AKAP13: variants seen among roughly 807,000 people sequenced by gnomAD.
AKAP13 encodes A-kinase anchor protein 13.
AKAP13 carries 80 observed loss-of-function variants against 264.5 expected under a neutral mutation model. The observed-to-expected ratio is 0.30, with a 90% CI of 0.25 to 0.36. The LOEUF is 0.36. Ranked by LOEUF, AKAP13 falls within the 10% of genes least tolerant of loss-of-function variation. AKAP13 has a pLI of 1.00. For missense variants in AKAP13, 3,712 were observed against 3,435.2 expected (o/e 1.08, Z -2.01); for synonymous variants, 1,380 against 1,250.2 (o/e 1.10, Z -2.19).
intron 13 of AKAP13, among the ~76,000 whole-genome samples, chr15:85,665,676 C>T (rs11635270): frequency 0.2 from 30,950 of 152,118 alleles, 4,178 homozygotes; most frequent in Middle Eastern, 0.42. Flanking sequence ...TATCCCTCCC[C>T]CAGCCCCCTA....
intron 12 of AKAP13, 125 bp from the exon 13 acceptor site, chr15:85,664,438 C>G (rs112027431): frequency 1.2e-5 from 11 of 927,424 alleles, no homozygotes; most frequent in African/African-American, 5.0e-5. Context: ...CCCTTTTAGA[C>G]AGTTTTGCTA....
At chr15:85,463,604 T>C (rs1332448465) in intron 1 of AKAP13, among the ~76,000 whole-genome samples, 1 of 152,222 alleles carries the variant, frequency 6.6e-6, no homozygotes, top group Non-Finnish European at 1.5e-5. Context: ...GAACACTGGA[T>C]CTTTTTGTGT....
At chr15:85,665,667 A>G (rs1037154106) in intron 13 of AKAP13, among the ~76,000 whole-genome samples, 3 of 152,098 alleles carry the variant, frequency 2.0e-5, no homozygotes, top group Non-Finnish European at 2.9e-5. Context: ...TCCTAATGCT[A>G]TCCCTCCCCC....
intron 2 of AKAP13, among the ~76,000 whole-genome samples, chr15:85,510,338 C>T (rs1284483707): frequency 2.0e-5 from 3 of 152,124 alleles, no homozygotes; most frequent in Admixed American, 2.0e-4. Context: ...GGGCATTCAT[C>T]TCCCTGTACC....
In AKAP13 at chr15:85,719,146, G is replaced by A; in HGVS notation, c.6072G>A (p.Met2024Ile). 6.2e-7 allele frequency: 1 copy of A among 1,614,208 alleles called. No individual in the cohort carries two copies. Among genetic ancestry groups the A allele is most frequent in the Non-Finnish European group, 8.5e-7 (1 of 1,180,036 alleles). ...TGAGTGGTGTGTACAGCCAGGGGAT[G>A]ATGGCGGATCTGCTTTTTGAGCAGC... ...KIMSGVYSQG[M>I]MADLLFEQQM... The change falls in exon 23 of 37, where the codon ATG (methionine) becomes ATA (isoleucine). Residue 2024 changes from methionine to isoleucine, a missense_variant. This residue lies in a region of AKAP13 where 342 missense variants were observed against 484.3 expected (regional missense o/e 0.71). Transcript: ENST00000394518.
chr15:85,580,918 G>C lies in AKAP13; in HGVS notation c.2850G>C (p.Glu950Asp), dbSNP rs777644096. The change falls in exon 7 of 37, where the codon GAG becomes GAC. Residue 950 changes from glutamate to aspartate, a missense_variant. Physicochemically the swap from Glu to Asp is conservative, Grantham distance 45. Around this residue, in one of 3 missense-constraint regions of AKAP13, gnomAD observed 2,759 missense variants for 2,411.7 expected, o/e 1.14. Transcript: ENST00000394518. ...NALSSGTLQE[E>D]QRTPPPGQDT... Reference sequence around the variant, plus strand: ...TCTCTTCAGGAACTTTGCAGGAAGAGCAGAGAACACCACCTCCTGGACAAG... The same window carrying C: ...TCTCTTCAGGAACTTTGCAGGAAGACCAGAGAACACCACCTCCTGGACAAG... The C allele has an allele frequency of 6.2e-7, 1 of 1,614,176 alleles. No individual in the cohort carries two copies. Among genetic ancestry groups the C allele is most frequent in the East Asian group, 2.2e-5 (1 of 44,888 alleles).
rs777579969 is a variant in AKAP13, at chr15:85,741,035, G to T, written c.7609-11G>T. 6.3e-7 allele frequency: 1 copy of T among 1,595,428 alleles called. No homozygotes were observed. The highest frequency in any genetic ancestry group is 8.6e-7 in the Non-Finnish European group (1 of 1,169,510). On this transcript the variant is annotated splice_polypyrimidine_tract_variant and intron_variant, in intron 34 of 36. Transcript: ENST00000394518. ...CCAGAGTTGCAGGGCTCCCCTCTGT[G>T]TGCCTCCCAGGGTGTGGTGCTGCAG...
intron 2 of AKAP13, among the ~76,000 whole-genome samples, chr15:85,486,415 G>A (rs1222305350): frequency 6.6e-6 from 1 of 152,120 alleles, no homozygotes; most frequent in Non-Finnish European, 1.5e-5. Flanking sequence ...TAATGTGAGA[G>A]TTCATTTTTG....
intron 27 of AKAP13, among the ~76,000 whole-genome samples, 186 bp downstream of exon 27, chr15:85,726,672 C>G (rs2087634156): frequency 1.3e-5 from 2 of 152,158 alleles, no homozygotes; most frequent in South Asian, 4.1e-4. Flanking sequence ...AATTATTATT[C>G]TGTTTCATCA....
At chr15:85,509,152 A>G (rs2076336162) in intron 2 of AKAP13, among the ~76,000 whole-genome samples, 1 of 152,176 alleles carries the variant, frequency 6.6e-6, no homozygotes. Context: ...TTTTGTAATG[A>G]ATGAATTCAT....
chr15:85,470,690 T>G (rs2074928921), intron 1 of AKAP13, among the ~76,000 whole-genome samples: 1 of 152,210 alleles, frequency 6.6e-6, no homozygotes, highest in South Asian at 2.1e-4. Flanking sequence ...AAAGTCAGTA[T>G]GCCCTAATCA....
At position 85,722,012 on chromosome 15, in the gene AKAP13, C is replaced by A; in HGVS notation, c.6274C>A (p.Arg2092Ser). 6.2e-7 allele frequency: 1 copy of A among 1,614,084 alleles called. No homozygotes were observed. The highest frequency in any genetic ancestry group is 8.5e-7 in the Non-Finnish European group (1 of 1,179,928). Reference protein sequence around the residue: ...VNQFSGENAERLKKTYGKFCG... With the variant: ...VNQFSGENAESLKKTYGKFCG... The stretch of plus-strand genomic sequence containing the variant: ...GCAGTTTTCAGGTGAGAATGCAGAA[C>A]GTTTAAAGAAGACATATGGCAAGTT... Residue 2092 changes from arginine to serine, a missense_variant, in exon 24 of 37, where the codon CGT becomes AGT. Transcript: ENST00000394518.
chr15:85,483,489 G>A (rs4644820), intron 1 of AKAP13, among the ~76,000 whole-genome samples: 13,698 of 149,600 alleles, frequency 0.092, 877 homozygotes, highest in Middle Eastern at 0.18. Context: ...AGCCGGTTGC[G>A]GTGGCGGGCG....
intron 20 of AKAP13, 44 bp downstream of exon 20, chr15:85,715,967 A>G (rs755774052): frequency 2.5e-5 from 40 of 1,584,280 alleles, no homozygotes; most frequent in Non-Finnish European, 3.4e-5. Context: ...CATCTAGGTG[A>G]CCAGAGCATA....
At chr15:85,716,239 G>T (rs62022943) in intron 20 of AKAP13, among the ~76,000 whole-genome samples, 26,302 of 152,062 alleles carry the variant, frequency 0.17, 2,542 homozygotes, top group Non-Finnish European at 0.22. Context: ...TAGGAAAAAG[G>T]GTGATTTAAT....
At chr15:85,492,816 G>T (rs2151074072) in intron 2 of AKAP13, among the ~76,000 whole-genome samples, 1 of 152,288 alleles carries the variant, frequency 6.6e-6, no homozygotes, top group South Asian at 2.1e-4. Context: ...GACTACATGA[G>T]TGATGTTCTT....
At position 85,619,956 on chromosome 15, in the gene AKAP13, TAGAG is replaced by T; in HGVS notation, c.4162-19415_4162-19412del. ...TTTTTGACCCCTTTGAGAGTTTTAATAGAGAGGAGTCTGGAAGGCAGAGATCTCC... is the reference window on the plus strand; with the variant it reads ...TTTTTGACCCCTTTGAGAGTTTTAATAGGAGTCTGGAAGGCAGAGATCTCC... On this transcript the variant is annotated intron_variant, in intron 8 of 36. Coordinates refer to ENST00000394518, the MANE Select transcript of AKAP13 (RefSeq NM_007200.5). 4.8e-6 allele frequency: 7 copies of T among 1,457,064 alleles called. No homozygotes were observed. In the East Asian group the frequency reaches 9.9e-5, roughly 21 times the overall value. 90.3% of individuals were successfully genotyped at this position (1,457,064 alleles called of 1,614,324 possible). A position where few individuals can be genotyped will look rare whatever the true frequency, so the allele number is the denominator to read the frequency against.
intron 2 of AKAP13, among the ~76,000 whole-genome samples, chr15:85,519,363 A>T (rs2076729519): frequency 6.6e-6 from 1 of 152,042 alleles, no homozygotes; most frequent in African/African-American, 2.4e-5. Flanking sequence ...AAAACAGGGG[A>T]TGGTGGGAGG....
At chr15:85,572,708 T>C (rs1309247563) in intron 5 of AKAP13, among the ~76,000 whole-genome samples, 4 of 152,144 alleles carry the variant, frequency 2.6e-5, no homozygotes, top group Non-Finnish European at 5.9e-5. Context: ...CTGGGATGCA[T>C]GTGTAGAACG....
Sources: allele counts gnomAD v4.1 joint callset (sites outside exome capture counted in the v4.1 genomes callset), GRCh38; gene constraint gnomAD v4.1.1; regional missense constraint gnomAD v4.1.1; transcripts MANE v1.5; gene names NCBI Gene and HGNC (gene_info 2026-07-23, HGNC 2026-07-21).